The following SLC30A1 variants were observed in gnomAD, a reference collection of about 807,000 sequenced individuals.
The protein encoded by SLC30A1 is solute carrier family 30 member 1, also known as proton-coupled zinc antiporter SLC30A1.
In SLC30A1, 7 loss-of-function variants were observed where a neutral mutation model predicts 29.8. The observed-to-expected ratio is 0.23, with a 90% CI of 0.13 to 0.44. The LOEUF is 0.44. Among genes scored for constraint, SLC30A1 ranks in the 20% least tolerant of loss-of-function variants. SLC30A1 has a pLI of 1.00. For missense variants in SLC30A1, 446 were observed against 647.9 expected (o/e 0.69, Z 3.38); for synonymous variants, 254 against 253.5 (o/e 1.00, Z -0.02).
In SLC30A1 at chr1:211,575,193, C is replaced by CTCTG. The variant is rs1706703424; in HGVS notation, c.*191_*194dup. The CTCTG allele has an allele frequency of 1.8e-6, 1 of 555,576 alleles. No individual in the cohort carries two copies. The highest frequency in any genetic ancestry group is 3.6e-5 in the Admixed American group (1 of 27,752). The allele number at this position is 555,576 out of a possible 1,614,324, so 34.4% of individuals were successfully genotyped here. ...CCAAAACAGTCACAGCATAGCTGTACTCTGTACTAATAATCACAAAATTGT... is the reference window on the plus strand; with the variant it reads ...CCAAAACAGTCACAGCATAGCTGTACTCTGTCTGTACTAATAATCACAAAATTGT... On this transcript the variant is annotated 3_prime_UTR_variant, in exon 2 of 2. Transcript: ENST00000367001. The surrounding 1 kb of genome is among the most constrained non-coding windows in gnomAD (Gnocchi z 6.0).
Position 211,575,541 on chromosome 1 carries a change from C to T in SLC30A1, c.1371G>A (p.Lys457=), listed in dbSNP as rs2102406052. 1 of 1,614,178 alleles carries T rather than the reference C, an allele frequency of 6.2e-7. No homozygotes were observed. Among genetic ancestry groups the T allele is most frequent in the East Asian group, 2.2e-5 (1 of 44,890 alleles). Residue 457 remains lysine, a synonymous_variant, in exon 2 of 2, where the codon AAG becomes AAA. Coordinates refer to ENST00000367001, the MANE Select transcript of SLC30A1 (RefSeq NM_021194.3). The surrounding 1 kb of genome is among the most constrained non-coding windows in gnomAD (Gnocchi z 6.0). The part of the protein sequence containing the change: ...CGTLPQAPSG[K]DAEKTPAVSI... ...TAACTGCTGGGGTCTTTTCTGCATCCTTTCCAGAAGGGGCTTGTGGTAGTG... is the reference window on the plus strand; with the variant it reads ...TAACTGCTGGGGTCTTTTCTGCATCTTTTCCAGAAGGGGCTTGTGGTAGTG...
chr1:211,577,444 C>T lies in SLC30A1; in HGVS notation c.622+547G>A, dbSNP rs955007733. On this transcript the variant is annotated intron_variant, in intron 1 of 1. Coordinates refer to ENST00000367001, the MANE Select transcript of SLC30A1 (RefSeq NM_021194.3). The surrounding 1 kb of genome is among the most constrained non-coding windows in gnomAD (Gnocchi z 4.5). ...ATTAGCTGAAGCATACACTGCTGTT[C>T]ATAAAAGAAACCTTTAACCAGGGTT... Among the ~76,000 whole-genome samples the T allele has an allele frequency of 6.6e-6, 1 of 152,168 alleles. No individual in the cohort carries two copies. Among genetic ancestry groups the T allele is most frequent in the Non-Finnish European group, 1.5e-5 (1 of 68,018 alleles).
At position 211,578,137 on chromosome 1, in the gene SLC30A1, A is replaced by AGGCCGT. The variant is rs750710782; in HGVS notation, c.470_475dup (p.His157_Gly158dup). On this transcript the variant is annotated inframe_insertion, in exon 1 of 2. Coordinates refer to ENST00000367001, the MANE Select transcript of SLC30A1 (RefSeq NM_021194.3). Reference sequence around the variant, plus strand: ...GCTCTTAACGCGAGGCCCCTTGGGGAGGCCGTGGCCGTGGCCGTGACCCCC... The same window carrying AGGCCGT: ...GCTCTTAACGCGAGGCCCCTTGGGGAGGCCGTGGCCGTGGCCGTGGCCGTGACCCCC... The AGGCCGT allele has an allele frequency of 5.6e-6, 9 of 1,608,702 alleles. No individual in the cohort carries two copies. Among genetic ancestry groups the AGGCCGT allele is most frequent in the African/African-American group, 2.7e-5 (2 of 74,842 alleles).
Position 211,578,641 on chromosome 1 carries a change from G to C in SLC30A1, c.-29C>G, listed in dbSNP as rs775783389. ...TGCGGCTGCGGGGCCCGCCGAGCCC[G>C]GCCCGGAGACTGGTGCAGCGGCGGC... is the stretch of plus-strand genomic sequence containing the variant. On this transcript the variant is annotated 5_prime_UTR_variant, in exon 1 of 2. Transcript: ENST00000367001. 8 of 1,503,926 alleles carry C rather than the reference G, an allele frequency of 5.3e-6. No individual in the cohort carries two copies. The highest frequency in any genetic ancestry group is 1.8e-4 in the Middle Eastern group (1 of 5,506). 93.2% of individuals were successfully genotyped at this position (1,503,926 alleles called of 1,614,324 possible).
chr1:211,576,542 A>T (rs1006719300), intron 1 of SLC30A1, among the ~76,000 whole-genome samples: 2 of 152,142 alleles, frequency 1.3e-5, no homozygotes, highest in Non-Finnish European at 2.9e-5. Flanking sequence ...TCCTCTCCAA[A>T]ATAGTGTATA....
Position 211,575,459 on chromosome 1 carries a change from C to G in SLC30A1, c.1453G>C (p.Ala485Pro). Reference sequence around the variant, plus strand: ...ATCACAACAGCAGGGATGTTTTCAGCTTTAGTCCTCCTGGGCTTCTTCTCT... The same window carrying G: ...ATCACAACAGCAGGGATGTTTTCAGGTTTAGTCCTCCTGGGCTTCTTCTCT... ...NLEKKPRRTK[A>P]ENIPAVVIEI... is the part of the protein sequence containing the mutation. The change falls in exon 2 of 2, where the codon GCT becomes CCT. Residue 485 changes from alanine (A) to proline (P), a missense_variant. Around this residue, in one of 5 missense-constraint regions of SLC30A1, gnomAD observed 187 missense variants for 312.7 expected, o/e 0.60. Transcript: ENST00000367001. This position sits in a 1 kb window ranked among gnomAD's most constrained non-coding sequence, Gnocchi z 6.0. 1 of 1,614,022 alleles carries G rather than the reference C, an allele frequency of 6.2e-7. No homozygotes were observed. The highest frequency in any genetic ancestry group is 8.5e-7 in the Non-Finnish European group (1 of 1,179,920).
In SLC30A1 at chr1:211,576,188, GTCCAGCCCTA is replaced by G; in HGVS notation, c.714_723del (p.Arg239AsnfsTer19). The G allele has an allele frequency of 6.2e-7, 1 of 1,613,630 alleles. No individual in the cohort carries two copies. The highest frequency in any genetic ancestry group is 8.5e-7 in the Non-Finnish European group (1 of 1,179,906). Reference sequence around the variant, plus strand: ...AGAAAAACTCCACGCATGTTAAGTTGTCCAGCCCTATCTTCTTCCAGTTCCATATGGTCAG... The same window carrying G: ...AGAAAAACTCCACGCATGTTAAGTTGTCTTCTTCCAGTTCCATATGGTCAG... On this transcript the variant is annotated frameshift_variant, in exon 2 of 2. Coordinates refer to ENST00000367001, the MANE Select transcript of SLC30A1 (RefSeq NM_021194.3). LOFTEE classifies it high-confidence loss of function.
At position 211,578,663 on chromosome 1, in the gene SLC30A1, C is replaced by A. The variant is rs774012037; in HGVS notation, c.-51G>T. 1.1e-5 allele frequency: 15 copies of A among 1,425,042 alleles called. No individual in the cohort carries two copies. Among genetic ancestry groups the A allele is most frequent in the Non-Finnish European group, 1.3e-5 (14 of 1,098,692 alleles). The allele number at this position is 1,425,042 out of a possible 1,614,324, so 88.3% of individuals were successfully genotyped here. On this transcript the variant is annotated 5_prime_UTR_variant, in exon 1 of 2. Coordinates refer to ENST00000367001, the MANE Select transcript of SLC30A1 (RefSeq NM_021194.3). ...CCCGGCCCGGAGACTGGTGCAGCGG[C>A]GGCGTTGGCGGGACGCGGAGGGTCG... is the stretch of plus-strand genomic sequence containing the variant.
chr1:211,577,768 A>C lies in SLC30A1; in HGVS notation c.622+223T>G, dbSNP rs1368511731. Among the ~76,000 whole-genome samples, 1 of 152,152 alleles carries C rather than the reference A, an allele frequency of 6.6e-6. No individual in the cohort carries two copies. The highest frequency in any genetic ancestry group is 2.4e-5 in the African/African-American group (1 of 41,434). ...GGTCTGACCCACAGCCCCCACCTAC[A>C]AATATGCCAGACGCGTCGCCGGCTC... is the stretch of plus-strand genomic sequence containing the variant. On this transcript the variant is annotated intron_variant, in intron 1 of 1. Coordinates refer to ENST00000367001, the MANE Select transcript of SLC30A1 (RefSeq NM_021194.3). The surrounding 1 kb of genome is among the most constrained non-coding windows in gnomAD (Gnocchi z 4.5).
chr1:211,576,297 G>A lies in SLC30A1; in HGVS notation c.623-8C>T. On this transcript the variant is annotated splice_region_variant and splice_polypyrimidine_tract_variant and intron_variant, in intron 1 of 1. Coordinates refer to ENST00000367001, the MANE Select transcript of SLC30A1 (RefSeq NM_021194.3). Reference sequence around the variant, plus strand: ...TTCTGGGGTTTTCTGGGTCTACAAAGAAATAAAAATTTTATATCAAATACA... The same window carrying A: ...TTCTGGGGTTTTCTGGGTCTACAAAAAAATAAAAATTTTATATCAAATACA... The A allele has an allele frequency of 1.3e-6, 2 of 1,516,262 alleles. No individual in the cohort carries two copies. The highest frequency in any genetic ancestry group is 1.8e-6 in the Non-Finnish European group (2 of 1,125,546). 93.9% of individuals were successfully genotyped at this position (1,516,262 alleles called of 1,614,324 possible).
rs141311536 is a variant in SLC30A1, at chr1:211,578,151, G to T, written c.462C>A (p.Gly154=). 1 of 1,608,160 alleles carries T rather than the reference G, an allele frequency of 6.2e-7. No individual in the cohort carries two copies. The change falls in exon 1 of 2, where the codon GGC becomes GGA. Residue 154 remains glycine (G), a synonymous_variant. Coordinates refer to ENST00000367001, the MANE Select transcript of SLC30A1 (RefSeq NM_021194.3). ...GCCCCTTGGGGAGGCCGTGGCCGTG[G>T]CCGTGACCCCCGTGCGAGTGGCCGT... ...SGHGHSHGGH[G]HGHGLPKGPR...
rs1706677651 is a variant in SLC30A1, at chr1:211,573,500, G to A, written c.*1888C>T. ...TTTTATCAGTTATCTTTGTATCATTGCTGAAATGTTTATGTAACAAATTGA... is the reference window on the plus strand; with the variant it reads ...TTTTATCAGTTATCTTTGTATCATTACTGAAATGTTTATGTAACAAATTGA... On this transcript the variant is annotated 3_prime_UTR_variant, in exon 2 of 2. Transcript: ENST00000367001. The A allele has an allele frequency of 6.6e-6, 1 of 151,908 alleles. No homozygotes were observed. Among genetic ancestry groups the A allele is most frequent in the African/African-American group, 2.4e-5 (1 of 41,376 alleles). The allele number at this position is 151,908 out of a possible 1,614,324, so 9.4% of individuals were successfully genotyped here.
chr1:211,578,465 C>A lies in SLC30A1; in HGVS notation c.148G>T (p.Ala50Ser), dbSNP rs779854107. Residue 50 changes from alanine to serine, a missense_variant, in exon 1 of 2, where the codon GCG (alanine) becomes TCG (serine). By Grantham distance (99) the Ala-to-Ser change is moderately conservative (BLOSUM62 1). Transcript: ENST00000367001. ...TCGGCCACCAGCGCCACCACCAGCGCCAGCACGTCCGACAGCATGTGGAAG... is the reference window on the plus strand; with the variant it reads ...TCGGCCACCAGCGCCACCACCAGCGACAGCACGTCCGACAGCATGTGGAAG... ...DSFHMLSDVL[A>S]LVVALVAERF... 1 of 1,612,834 alleles carries A rather than the reference C, an allele frequency of 6.2e-7. No individual in the cohort carries two copies. Among genetic ancestry groups the A allele is most frequent in the South Asian group, 1.1e-5 (1 of 90,950 alleles).
chr1:211,578,680 G>T lies in SLC30A1; in HGVS notation c.-68C>A. The stretch of plus-strand genomic sequence containing the variant: ...TGCAGCGGCGGCGTTGGCGGGACGC[G>T]GAGGGTCGGCGACCGCGACACGGAG... On this transcript the variant is annotated 5_prime_UTR_variant, in exon 1 of 2. Transcript: ENST00000367001. 7.1e-7 allele frequency: 1 copy of T among 1,400,422 alleles called. No homozygotes were observed. The highest frequency in any genetic ancestry group is 9.2e-7 in the Non-Finnish European group (1 of 1,082,124). The allele number at this position is 1,400,422 out of a possible 1,614,324, so 86.7% of individuals were successfully genotyped here.
In SLC30A1 at chr1:211,574,231, A is replaced by G. The variant is rs1368572935; in HGVS notation, c.*1157T>C. 2 of 152,064 alleles carry G rather than the reference A, an allele frequency of 1.3e-5. No homozygotes were observed. The highest frequency in any genetic ancestry group is 4.8e-5 in the African/African-American group (2 of 41,420). 9.4% of individuals were successfully genotyped at this position (152,064 alleles called of 1,614,324 possible). On this transcript the variant is annotated 3_prime_UTR_variant, in exon 2 of 2. Transcript: ENST00000367001. ...CTGTGTAGATATTGTGGCATCTTGCAAAATAAGCCACTATTGGAAGATCTG... is the reference window on the plus strand; with the variant it reads ...CTGTGTAGATATTGTGGCATCTTGCGAAATAAGCCACTATTGGAAGATCTG...
Position 211,577,962 on chromosome 1 carries a change from C to A in SLC30A1, c.622+29G>T. On this transcript the variant is annotated intron_variant, in intron 1 of 1. Coordinates refer to ENST00000367001, the MANE Select transcript of SLC30A1 (RefSeq NM_021194.3). The surrounding 1 kb of genome is among the most constrained non-coding windows in gnomAD (Gnocchi z 4.5). ...AGGCTCTGGGCACCCCAAACCCAAC[C>A]ACCTGCGGCAGCGACTTTCCCGGCT... 1.2e-6 allele frequency: 2 copies of A among 1,611,334 alleles called. No homozygotes were observed. Among genetic ancestry groups the A allele is most frequent in the Non-Finnish European group, 1.7e-6 (2 of 1,179,426 alleles).
Position 211,578,856 on chromosome 1 carries a change from T to A in SLC30A1, c.-244A>T. ...CGCGCAGCTCCTCAGGCGTCCGTCC[T>A]CAGAGCCGGCGCCGAGGCCCGGCTC... On this transcript the variant is annotated 5_prime_UTR_variant, in exon 1 of 2. Transcript: ENST00000367001. 3.3e-6 allele frequency: 1 copy of A among 302,702 alleles called. No homozygotes were observed. Among genetic ancestry groups the A allele is most frequent in the Non-Finnish European group, 6.0e-6 (1 of 165,798 alleles). 18.8% of individuals were successfully genotyped at this position (302,702 alleles called of 1,614,324 possible).
Position 211,576,597 on chromosome 1 carries a change from T to C in SLC30A1, c.623-308A>G, listed in dbSNP as rs933898761. Among the ~76,000 whole-genome samples the C allele has an allele frequency of 9.9e-5, 15 of 152,282 alleles. No homozygotes were observed. In the East Asian group the frequency reaches 2.9e-3, roughly 29 times the overall value. On this transcript the variant is annotated intron_variant, in intron 1 of 1. Transcript: ENST00000367001. ...CCTGCAACCATTCTGCTATACTTTATGGTATATACAAAGGAAAACATAAAA... is the reference window on the plus strand; with the variant it reads ...CCTGCAACCATTCTGCTATACTTTACGGTATATACAAAGGAAAACATAAAA...
At position 211,576,230 on chromosome 1, in the gene SLC30A1, T is replaced by C. The variant is rs776350816; in HGVS notation, c.682A>G (p.Arg228Gly). ...TCCAGTTCCATATGGTCAGGTTCTC[T>C]GACAAGATTTCCATTCACTTGTACT... ...VEVQVNGNLV[R>G]EPDHMELEED... The change falls in exon 2 of 2, where the codon AGA becomes GGA. Residue 228 changes from arginine (R) to glycine (G), a missense_variant. By Grantham distance (125) the Arg-to-Gly change is moderately radical. Transcript: ENST00000367001. 13 of 1,612,142 alleles carry C rather than the reference T, an allele frequency of 8.1e-6. No homozygotes were observed. The highest frequency in any genetic ancestry group is 8.5e-7 in the Non-Finnish European group (1 of 1,179,550).
Sources: allele counts gnomAD v4.1 joint callset (sites outside exome capture counted in the v4.1 genomes callset), GRCh38; gene constraint gnomAD v4.1.1; regional missense constraint gnomAD v4.1.1; non-coding constraint Gnocchi (gnomAD v3.1); transcripts MANE v1.5; gene names NCBI Gene and HGNC (gene_info 2026-07-23, HGNC 2026-07-21).